NBAS: variants seen among roughly 807,000 people sequenced by gnomAD.
NBAS encodes the protein NAG/BC035112 fusion.
Under a neutral mutation model 302.5 loss-of-function variants are expected in NBAS, and 219 were observed. That is an observed-to-expected ratio of 0.72 (90% CI 0.65 to 0.81). The LOEUF (loss-of-function observed/expected upper bound fraction) is 0.81. Ranked by LOEUF, NBAS falls within the 30% of genes least tolerant of loss-of-function variation. The pLI is 0.00. For missense variants in NBAS, 2,932 were observed against 2,841.6 expected (o/e 1.03, Z -0.72); for synonymous variants, 1,118 against 1,021.6 (o/e 1.09, Z -1.80).
chr2:14,864,559 C>A, the NBAS span, among the ~76,000 whole-genome samples: 1 of 152,116 alleles, frequency 6.6e-6, no homozygotes, highest in Non-Finnish European at 1.5e-5. Flanking sequence ...ACATGAAAAA[C>A]AGACCTTCAT....
Position 15,468,436 on chromosome 2 carries a change from T to C in NBAS, c.1823A>G (p.Lys608Arg), listed in dbSNP as rs1418333345. ...TAAAAGAGCCTCCAGGTCTGTGCCT[T>C]TTAATCCATACTGAAGCAGTTCTTT... is the stretch of plus-strand genomic sequence containing the variant. ...AAKELLQYGLKGTDLEALLAI... is the reference protein window; with the variant it reads ...AAKELLQYGLRGTDLEALLAI... The change falls in exon 17 of 52, where the codon AAA (lysine) becomes AGA (arginine). Residue 608 changes from lysine (K) to arginine (R), a missense_variant. Coordinates refer to ENST00000281513, the MANE Select transcript of NBAS (RefSeq NM_015909.4). 4 of 1,613,984 alleles carry C rather than the reference T, an allele frequency of 2.5e-6. No individual in the cohort carries two copies. Among genetic ancestry groups the C allele is most frequent in the Non-Finnish European group, 3.4e-6 (4 of 1,179,984 alleles).
the NBAS span, among the ~76,000 whole-genome samples, chr2:15,109,720 A>G: frequency 8.0e-4 from 121 of 152,132 alleles, 1 homozygote; most frequent in Middle Eastern, 0.014. Flanking sequence ...GTCTCTTTAT[A>G]AGGGCACTAA....
At chr2:15,294,403 T>C (rs1670453280) in intron 40 of NBAS, among the ~76,000 whole-genome samples, 1 of 152,190 alleles carries the variant, frequency 6.6e-6, no homozygotes, top group Non-Finnish European at 1.5e-5. Context: ...TAGAGAGTGA[T>C]TTGGGAACCA....
At chr2:15,112,959 A>C in the NBAS span, among the ~76,000 whole-genome samples, 2 of 152,172 alleles carry the variant, frequency 1.3e-5, no homozygotes, top group African/African-American at 2.4e-5. Context: ...AGACTAAATG[A>C]GGAAATAAAG....
chr2:15,561,067 G>T, intron 1 of NBAS, 121 bp downstream of exon 1: 1 of 475,934 alleles, frequency 2.1e-6, no homozygotes, highest in Non-Finnish European at 3.6e-6. Context: ...GACCGCACAA[G>T]CCAACCGGCC....
chr2:15,436,539 A>G (rs1036306745), intron 21 of NBAS, among the ~76,000 whole-genome samples: 2 of 152,246 alleles, frequency 1.3e-5, no homozygotes, highest in Admixed American at 1.3e-4. Context: ...AAAATATTCA[A>G]AAAGAAAAAC....
At chr2:15,142,784 C>T in the NBAS span, among the ~76,000 whole-genome samples, 1 of 152,206 alleles carries the variant, frequency 6.6e-6, no homozygotes, top group East Asian at 1.9e-4. Context: ...GATAGAAACA[C>T]ACATCCCCTC....
rs10929352 is a variant in NBAS, at chr2:15,232,607, T to G, written c.6147-96A>C. On this transcript the variant is annotated intron_variant, in intron 46 of 51. Coordinates refer to ENST00000281513, the MANE Select transcript of NBAS (RefSeq NM_015909.4). ...CCCTTAAATGAACCTGGCTGGATTTTGGCACAGTATACTGCCTGCCCATAG... is the reference window on the plus strand; with the variant it reads ...CCCTTAAATGAACCTGGCTGGATTTGGGCACAGTATACTGCCTGCCCATAG... The G allele has an allele frequency of 0.23, 253,637 of 1,117,712 alleles. 29,264 individuals carry two copies. The highest frequency in any genetic ancestry group is 0.39 in the African/African-American group (25,250 of 65,008). The allele number at this position is 1,117,712 out of a possible 1,614,324, so 69.2% of individuals were successfully genotyped here. A position where few individuals can be genotyped will look rare whatever the true frequency, so the allele number is the denominator to read the frequency against.
chr2:15,194,031 C>T (rs942373949), intron 48 of NBAS, among the ~76,000 whole-genome samples: 1 of 151,696 alleles, frequency 6.6e-6, no homozygotes, highest in Non-Finnish European at 1.5e-5. Flanking sequence ...AGAAGCCCAC[C>T]CAGACCTAGT....
At chr2:14,790,657 T>G in the NBAS span, among the ~76,000 whole-genome samples, 3 of 151,200 alleles carry the variant, frequency 2.0e-5, no homozygotes, top group Non-Finnish European at 4.4e-5. Context: ...GCCTTTTTTT[T>G]TTTTTTTTTT....
rs781701330 is a variant in NBAS, at chr2:15,167,328, A to G, written c.6841-5T>C. The G allele has an allele frequency of 3.7e-6, 6 of 1,614,196 alleles. No homozygotes were observed. The highest frequency in any genetic ancestry group is 1.7e-5 in the Admixed American group (1 of 60,024). On this transcript the variant is annotated splice_polypyrimidine_tract_variant and splice_region_variant and intron_variant, in intron 51 of 51. Coordinates refer to ENST00000281513, the MANE Select transcript of NBAS (RefSeq NM_015909.4). ...GTCACAATTGGAATCATTCACCTTC[A>G]AGAAATAAGACAGGCACAGCGTGAG...
chr2:14,919,119 G>C, the NBAS span, among the ~76,000 whole-genome samples: 1 of 152,098 alleles, frequency 6.6e-6, no homozygotes, highest in African/African-American at 2.4e-5. Flanking sequence ...TATTGTTCCT[G>C]TGGCTTATTC....
intron 21 of NBAS, among the ~76,000 whole-genome samples, chr2:15,453,312 C>G (rs74762836): frequency 2.6e-5 from 4 of 152,138 alleles, no homozygotes; most frequent in South Asian, 2.1e-4. Flanking sequence ...AAGGAAGAAC[C>G]CTTCTGCCAA....
the NBAS span, among the ~76,000 whole-genome samples, chr2:14,966,255 G>A: frequency 7.9e-5 from 12 of 152,168 alleles, no homozygotes; most frequent in South Asian, 4.1e-4. Context: ...ACTTTGTAAC[G>A]GCAGCCCGAG....
At chr2:15,319,612 T>C (rs1398954245) in intron 38 of NBAS, among the ~76,000 whole-genome samples, 3 of 152,060 alleles carry the variant, frequency 2.0e-5, no homozygotes, top group East Asian at 3.9e-4. Flanking sequence ...GAGAATACTA[T>C]AAACATCCTA....
At chr2:15,074,621 A>G in the NBAS span, among the ~76,000 whole-genome samples, 1 of 151,930 alleles carries the variant, frequency 6.6e-6, no homozygotes, top group African/African-American at 2.4e-5. Context: ...ATAATAGGAG[A>G]AAAATAAATA....
At chr2:15,278,894 T>A (rs891472606) in intron 42 of NBAS, among the ~76,000 whole-genome samples, 11 of 152,152 alleles carry the variant, frequency 7.2e-5, no homozygotes, top group Non-Finnish European at 1.6e-4. Flanking sequence ...AGAAATAATG[T>A]GAACAAAAGT....
chr2:15,278,709 A>G (rs1261964075), intron 42 of NBAS, among the ~76,000 whole-genome samples: 1 of 152,238 alleles, frequency 6.6e-6, no homozygotes, highest in Non-Finnish European at 1.5e-5. Context: ...TGAGTTACAA[A>G]TACTTACAGT....
the NBAS span, among the ~76,000 whole-genome samples, chr2:15,044,316 A>G: frequency 6.6e-6 from 1 of 152,244 alleles, no homozygotes; most frequent in South Asian, 2.1e-4. Flanking sequence ...TTGATAAAGA[A>G]TCAGCGACAG....
Sources: gnomAD v4.1 joint callset for allele counts (sites outside exome capture counted in the v4.1 genomes callset) on GRCh38, gnomAD v4.1.1 for gene constraint, MANE v1.5 for transcripts, NCBI Gene and HGNC (gene_info 2026-07-23, HGNC 2026-07-21) for gene names.